RSPO2: variants seen among roughly 807,000 people sequenced by gnomAD.
RSPO2 encodes the protein R-spondin 2.
RSPO2 carries 14 observed loss-of-function variants against 30.9 expected under a neutral mutation model. That is an observed-to-expected ratio of 0.45 (90% CI 0.30 to 0.71). RSPO2 has a LOEUF of 0.71. RSPO2 is among the 30% of genes least tolerant of loss of function. The probability of loss-of-function intolerance (pLI) is 0.08; values close to 1 mark genes in which losing one functional copy is unlikely to be tolerated. For synonymous variants in RSPO2, 107 were observed against 96.4 expected (o/e 1.11, Z -0.64); for missense variants, 264 against 301.9 (o/e 0.87, Z 0.93).
At chr8:107,986,592 G>T (rs116941737) in intron 3 of RSPO2, among the ~76,000 whole-genome samples, 1,865 of 152,260 alleles carry the variant, frequency 0.012, 19 homozygotes, top group South Asian at 0.039. Context: ...GGATGGTCCT[G>T]GTTTACATCC....
chr8:108,001,886 AG>A (rs1815260322), intron 2 of RSPO2, among the ~76,000 whole-genome samples: 1 of 152,098 alleles, frequency 6.6e-6, no homozygotes, highest in African/African-American at 2.4e-5. Context: ...CCTGTCTGGC[AG>A]GGGGTGGGGG....
At chr8:108,043,014 G>A (rs903380263) in intron 2 of RSPO2, among the ~76,000 whole-genome samples, 1 of 151,992 alleles carries the variant, frequency 6.6e-6, no homozygotes, top group Non-Finnish European at 1.5e-5. Context: ...AAAACATCCT[G>A]AGTATACAAA....
chr8:108,082,988 A>G, intron 1 of RSPO2, 181 bp from the exon 2 acceptor site: 1 of 262,394 alleles, frequency 3.8e-6, no homozygotes, highest in Non-Finnish European at 7.2e-6. Context: ...TTGGAGAGGA[A>G]GGTGATTATA....
chr8:107,913,267 A>G (rs1417360278), intron 5 of RSPO2, among the ~76,000 whole-genome samples: 1 of 152,124 alleles, frequency 6.6e-6, no homozygotes, highest in Admixed American at 6.6e-5. Context: ...GAGGAAGGAA[A>G]TGGCCAATGT....
intron 2 of RSPO2, among the ~76,000 whole-genome samples, chr8:108,021,359 A>T (rs544742761): frequency 1.5e-3 from 222 of 152,300 alleles, no homozygotes; most frequent in Non-Finnish European, 2.5e-3. Flanking sequence ...CACTTCCCAG[A>T]TGGGTATCAG....
chr8:108,074,551 C>T (rs1812955381), intron 2 of RSPO2, among the ~76,000 whole-genome samples: 3 of 152,150 alleles, frequency 2.0e-5, no homozygotes, highest in Admixed American at 2.0e-4. Context: ...TGGTCCTGCC[C>T]CTCAATTACT....
intron 5 of RSPO2, among the ~76,000 whole-genome samples, chr8:107,917,287 C>G (rs1393742712): frequency 6.6e-6 from 1 of 151,992 alleles, no homozygotes; most frequent in African/African-American, 2.4e-5. Context: ...GAGTTTGAGA[C>G]CAGGTTGGCC....
At chr8:108,074,349 T>C (rs1331712471) in intron 2 of RSPO2, among the ~76,000 whole-genome samples, 2 of 152,202 alleles carry the variant, frequency 1.3e-5, no homozygotes, top group African/African-American at 4.8e-5. Context: ...ACCCTTATTA[T>C]TCTAACATGT....
At chr8:108,050,215 A>T (rs1411858452) in intron 2 of RSPO2, among the ~76,000 whole-genome samples, 7 of 152,096 alleles carry the variant, frequency 4.6e-5, no homozygotes, top group Admixed American at 3.3e-4. Flanking sequence ...TACCTATTGC[A>T]TTTTCAGATT....
At chr8:108,077,888 T>C (rs1176075588) in intron 2 of RSPO2, among the ~76,000 whole-genome samples, 1 of 152,158 alleles carries the variant, frequency 6.6e-6, no homozygotes, top group African/African-American at 2.4e-5. Flanking sequence ...ATCACCTCCT[T>C]TTAGCAGAGT....
In RSPO2 at chr8:108,008,795, A is replaced by AAAAT. The variant is rs200388637; in HGVS notation, c.95-19552_95-19551insATTT. Among the ~76,000 whole-genome samples, 1,313 of 150,640 alleles carry AAAAT rather than the reference A, an allele frequency of 8.7e-3. 25 individuals are homozygous for AAAAT. Among genetic ancestry groups the AAAAT allele is most frequent in the African/African-American group, 0.03 (1,244 of 40,798 alleles). On this transcript the variant is annotated intron_variant, in intron 2 of 5. Coordinates refer to ENST00000276659, the MANE Select transcript of RSPO2 (RefSeq NM_178565.5). Reference sequence around the variant, plus strand: ...AAAAAGGTCATAAACTGCAAAAAAAAAAAAATAAAGAAAAAGGTAAATTTG... The same window carrying AAAAT: ...AAAAAGGTCATAAACTGCAAAAAAAAAAATAAAAATAAAGAAAAAGGTAAATTTG...
intron 2 of RSPO2, among the ~76,000 whole-genome samples, chr8:108,000,411 G>A (rs1240531537): frequency 1.3e-5 from 2 of 152,172 alleles, no homozygotes; most frequent in Non-Finnish European, 2.9e-5. Context: ...GCATCTGGTG[G>A]GGGAGTCAGA....
rs751193366 is a variant in RSPO2, at chr8:108,082,690, G to A, written c.-52C>T. The A allele has an allele frequency of 1.3e-6, 2 of 1,517,948 alleles. No homozygotes were observed. Among genetic ancestry groups the A allele is most frequent in the Non-Finnish European group, 1.8e-6 (2 of 1,097,374 alleles). The allele number at this position is 1,517,948 out of a possible 1,614,324, so 94.0% of individuals were successfully genotyped here. Reference sequence around the variant, plus strand: ...CCTCTCAAAGTCTAGGAACTGGAGGGTTCGCCCAAAGAGCCGGCGCCGGCC... The same window carrying A: ...CCTCTCAAAGTCTAGGAACTGGAGGATTCGCCCAAAGAGCCGGCGCCGGCC... On this transcript the variant is annotated 5_prime_UTR_variant, in exon 2 of 6. Transcript: ENST00000276659.
At chr8:107,919,637 C>G (rs1191673272) in intron 5 of RSPO2, among the ~76,000 whole-genome samples, 1 of 152,008 alleles carries the variant, frequency 6.6e-6, no homozygotes, top group Non-Finnish European at 1.5e-5. Flanking sequence ...CTCATCTGAC[C>G]TTGTGGCCCC....
intron 2 of RSPO2, among the ~76,000 whole-genome samples, chr8:108,026,437 T>A (rs1469680112): frequency 6.6e-6 from 1 of 152,206 alleles, no homozygotes; most frequent in Non-Finnish European, 1.5e-5. Context: ...CTTATTTTAA[T>A]AAATTCATTG....
chr8:108,065,659 TAAA>T (rs57299718), intron 2 of RSPO2, among the ~76,000 whole-genome samples: 1,713 of 117,108 alleles, frequency 0.015, 16 homozygotes, highest in Middle Eastern at 0.024. Context: ...GCAGAAGGAA[TAAA>T]AAAAAAAAAA....
chr8:107,932,000 GT>G lies in RSPO2; in HGVS notation c.616+26079del, dbSNP rs549016132. ...CCATAATAGAATAAATGCAATGTAT[GT>G]TTTTTTTAAAAGACTATCTCCAAAA... is the stretch of plus-strand genomic sequence containing the variant. On this transcript the variant is annotated intron_variant, in intron 5 of 5. Transcript: ENST00000276659. 4.3e-4 allele frequency among the ~76,000 whole-genome samples: 65 copies of G among 152,066 alleles called. 1 individual carries two copies. Among genetic ancestry groups the G allele is most frequent in the Middle Eastern group, 3.4e-3 (1 of 294 alleles).
chr8:108,040,278 A>G (rs1007953956), intron 2 of RSPO2, among the ~76,000 whole-genome samples: 12 of 152,156 alleles, frequency 7.9e-5, no homozygotes, highest in African/African-American at 2.9e-4. Context: ...ACATTAACAG[A>G]CAGTGTGTTA....
chr8:107,968,321 T>C (rs1813881851), intron 3 of RSPO2, among the ~76,000 whole-genome samples: 1 of 152,056 alleles, frequency 6.6e-6, no homozygotes, highest in Non-Finnish European at 1.5e-5. Flanking sequence ...CTGGGGGACA[T>C]TATGTTAAGT....
Sources: allele counts gnomAD v4.1 joint callset (sites outside exome capture counted in the v4.1 genomes callset), GRCh38; gene constraint gnomAD v4.1.1; transcripts MANE v1.5; gene names NCBI Gene and HGNC (gene_info 2026-07-23, HGNC 2026-07-21).